CREM: variants seen among roughly 807,000 people sequenced by gnomAD.
CREM encodes the protein cAMP-responsive element modulator.
Under a neutral mutation model 37.3 loss-of-function variants are expected in CREM, and 13 were observed. The observed-to-expected ratio is 0.35, with a 90% CI of 0.23 to 0.55. CREM has a LOEUF of 0.55. CREM is among the 20% of genes least tolerant of loss of function. CREM has a pLI of 0.88. For synonymous variants in CREM, 124 were observed against 120.2 expected (o/e 1.03, Z -0.21); for missense variants, 296 against 362.3 (o/e 0.82, Z 1.49).
chr10:35,163,982 A>C (rs1002869370), intron 3 of CREM, among the ~76,000 whole-genome samples: 4 of 152,036 alleles, frequency 2.6e-5, no homozygotes, highest in Non-Finnish European at 4.4e-5. Flanking sequence ...CTCAAAAAAA[A>C]AAAAACAAAA....
At chr10:35,173,909 T>G (rs2093936183) in intron 3 of CREM, among the ~76,000 whole-genome samples, 1 of 152,234 alleles carries the variant, frequency 6.6e-6, no homozygotes. Context: ...GAATTAGTTG[T>G]GAGGAGAAAG....
At chr10:35,187,920 A>G (rs2094721733) in intron 5 of CREM, among the ~76,000 whole-genome samples, 1 of 152,212 alleles carries the variant, frequency 6.6e-6, no homozygotes, top group African/African-American at 2.4e-5. Context: ...CTTCCTCTTG[A>G]GTGATGTAGT....
intron 3 of CREM, among the ~76,000 whole-genome samples, chr10:35,165,078 A>AAAAAAG (rs1491207726): frequency 5.4e-5 from 8 of 148,920 alleles, no homozygotes; most frequent in African/African-American, 2.0e-4. Context: ...AAAAAAAAAA[A>AAAAAAG]GAAAAGGAAA....
At chr10:35,137,377 A>C (rs1490916364) in intron 1 of CREM, among the ~76,000 whole-genome samples, 1 of 152,172 alleles carries the variant, frequency 6.6e-6, no homozygotes, top group Non-Finnish European at 1.5e-5. Context: ...GGAAATAATA[A>C]ATTCATTAAT....
At chr10:35,170,613 C>T (rs983574591) in intron 3 of CREM, among the ~76,000 whole-genome samples, 15 of 152,116 alleles carry the variant, frequency 9.9e-5, no homozygotes, top group Admixed American at 7.9e-4. Flanking sequence ...TCAACTTCTT[C>T]CTGGTTTAGT....
intron 2 of CREM, among the ~76,000 whole-genome samples, chr10:35,138,843 A>G (rs1331141547): frequency 6.6e-6 from 1 of 151,898 alleles, no homozygotes; most frequent in Admixed American, 6.6e-5. Flanking sequence ...GGGAAAAAAA[A>G]AGAGAAAAGG....
chr10:35,167,999 A>G (rs940246398), intron 3 of CREM, among the ~76,000 whole-genome samples: 2 of 152,172 alleles, frequency 1.3e-5, no homozygotes, highest in African/African-American at 4.8e-5. Flanking sequence ...TTATGGCTGC[A>G]TAGTATTCCA....
intron 3 of CREM, among the ~76,000 whole-genome samples, chr10:35,155,957 T>G (rs2092881164): frequency 7.5e-6 from 1 of 134,048 alleles, no homozygotes. Context: ...TTTTTTTTTT[T>G]GAGACAGAGT....
Position 35,139,509 on chromosome 10 carries a change from T to C in CREM, c.44+1630T>C, listed in dbSNP as rs181702669. ...CTTGTTGTTAATTTATAGTGCTTAG[T>C]GGACTTGTTTGTTTTCGTTTTTATT... On this transcript the variant is annotated intron_variant, in intron 2 of 7. Coordinates refer to ENST00000685392, the MANE Select transcript of CREM (RefSeq NM_183011.2). 4.6e-5 allele frequency among the ~76,000 whole-genome samples: 7 copies of C among 152,326 alleles called. No homozygotes were observed. The East Asian group carries it at 9.6e-4, about 21-fold the overall frequency.
chr10:35,144,638 C>T (rs145662592), intron 2 of CREM, among the ~76,000 whole-genome samples: 2 of 152,076 alleles, frequency 1.3e-5, no homozygotes, highest in Admixed American at 6.5e-5. Flanking sequence ...TGAGATGGTA[C>T]GTTATCAAGA....
At chr10:35,187,147 A>T (rs568531702) in intron 5 of CREM, among the ~76,000 whole-genome samples, 1,266 of 57,902 alleles carry the variant, frequency 0.022, 44 homozygotes, top group African/African-American at 0.078. Context: ...TTAATATATA[A>T]TATATATAAT....
chr10:35,137,369 AAAT>A (rs1371151181), intron 1 of CREM, among the ~76,000 whole-genome samples: 11 of 152,192 alleles, frequency 7.2e-5, no homozygotes, highest in African/African-American at 2.2e-4. Flanking sequence ...AAATATAAGG[AAAT>A]AATAAATTCA....
intron 6 of CREM, chr10:35,195,996 TACTTTA>T: frequency 6.4e-7 from 1 of 1,555,574 alleles, no homozygotes; most frequent in Non-Finnish European, 8.9e-7. Context: ...TTGTTAGCCC[TACTTTA>T]ACATTTCTTT....
intron 3 of CREM, 89 bp from the exon 4 acceptor site, chr10:35,178,800 C>A: frequency 1.0e-6 from 1 of 962,908 alleles, no homozygotes; most frequent in Non-Finnish European, 1.6e-6. Context: ...TGGCTCAGTG[C>A]TGCACACACA....
chr10:35,193,192 T>C (rs949158369), intron 6 of CREM, among the ~76,000 whole-genome samples: 3 of 152,216 alleles, frequency 2.0e-5, no homozygotes, highest in Non-Finnish European at 4.4e-5. Flanking sequence ...GCACAGACCC[T>C]GGCATGTGAT....
At position 35,164,512 on chromosome 10, in the gene CREM, A is replaced by T. The variant is rs539884521; in HGVS notation, c.169-14377A>T. Among the ~76,000 whole-genome samples, 3 of 152,334 alleles carry T rather than the reference A, an allele frequency of 2.0e-5. No homozygotes were observed. In the South Asian group the frequency reaches 6.2e-4, roughly 32 times the overall value. ...TTATATGTTTTATGCTTCTTAATTTAGGTACTTTAGATTTCTCCTAGATAT... is the reference window on the plus strand; with the variant it reads ...TTATATGTTTTATGCTTCTTAATTTTGGTACTTTAGATTTCTCCTAGATAT... On this transcript the variant is annotated intron_variant, in intron 3 of 7. Coordinates refer to ENST00000685392, the MANE Select transcript of CREM (RefSeq NM_183011.2).
In CREM at chr10:35,179,119, T is replaced by C. The variant is rs2094238166; in HGVS notation, c.267-15T>C. On this transcript the variant is annotated splice_polypyrimidine_tract_variant and intron_variant, in intron 4 of 7. Transcript: ENST00000685392. ...CATGTATCTTAGTGACTTACCTTGT[T>C]AAATTGTATTTTAGGAAAATACTGA... 2 of 1,602,348 alleles carry C rather than the reference T, an allele frequency of 1.2e-6. No homozygotes were observed. Among genetic ancestry groups the C allele is most frequent in the Non-Finnish European group, 1.7e-6 (2 of 1,173,136 alleles).
chr10:35,152,237 G>A (rs1291405026), intron 3 of CREM: 2 of 152,218 alleles, frequency 1.3e-5, no homozygotes, highest in African/African-American at 4.8e-5. Context: ...TTGCATCTAA[G>A]GTCATTTGAT....
In CREM at chr10:35,211,393, G is replaced by A; in HGVS notation, c.895G>A (p.Glu299Lys). The A allele has an allele frequency of 6.2e-7, 1 of 1,613,116 alleles. No homozygotes were observed. Among genetic ancestry groups the A allele is most frequent in the Non-Finnish European group, 8.5e-7 (1 of 1,179,576 alleles). ...CAAAGATCTTTATTGCCATAAAGTA[G>A]AGTAACTGTCTTTGACTTGGACCTT... ...ALKDLYCHKVE is the reference protein window; with the variant it reads ...ALKDLYCHKVK The change falls in exon 8 of 8, where the codon GAG becomes AAG. Residue 299 changes from glutamate (E) to lysine (K), a missense_variant. Around this residue, in one of 2 missense-constraint regions of CREM, gnomAD observed 39 missense variants for 82.0 expected, o/e 0.48. Coordinates refer to ENST00000685392, the MANE Select transcript of CREM (RefSeq NM_183011.2).
Sources: gnomAD v4.1 joint callset for allele counts (sites outside exome capture counted in the v4.1 genomes callset) on GRCh38, gnomAD v4.1.1 for gene constraint, gnomAD v4.1.1 regional missense constraint, MANE v1.5 for transcripts, NCBI Gene and HGNC (gene_info 2026-07-23, HGNC 2026-07-21) for gene names.